GNAL: variants seen among roughly 807,000 people sequenced by gnomAD.
The protein encoded by GNAL is guanine nucleotide-binding protein G(olf) subunit alpha.
In GNAL, 18 loss-of-function variants were observed where a neutral mutation model predicts 55.1. That is an observed-to-expected ratio of 0.33 (90% CI 0.23 to 0.48). The LOEUF (loss-of-function observed/expected upper bound fraction) is 0.48, where lower values mean the gene tolerates loss of function less well. Among genes scored for constraint, GNAL ranks in the 20% least tolerant of loss-of-function variants. The pLI is 0.99. For synonymous variants in GNAL, 253 were observed against 237.0 expected (o/e 1.07, Z -0.62); for missense variants, 412 against 614.1 (o/e 0.67, Z 3.48).
At chr18:11,754,048 T>G in intron 4 of GNAL, 103 bp downstream of exon 4, 2 of 848,132 alleles carry the variant, frequency 2.4e-6, no homozygotes. Context: ...ATTATTAACT[T>G]TCTTCGAAAT....
At chr18:11,865,328 C>A (rs1215178822) in intron 7 of GNAL, among the ~76,000 whole-genome samples, 1 of 149,724 alleles carries the variant, frequency 6.7e-6, no homozygotes, top group East Asian at 1.9e-4. Flanking sequence ...TGCCACCTGC[C>A]TCACCAGGCT....
chr18:11,762,372 TATTCAGTAC>T (rs2033271426), intron 4 of GNAL, among the ~76,000 whole-genome samples: 1 of 152,156 alleles, frequency 6.6e-6, no homozygotes, highest in Non-Finnish European at 1.5e-5. Flanking sequence ...CTTCAGTAAT[TATTCAGTAC>T]ACATATTATC....
chr18:11,714,881 C>T (rs1195302337), intron 1 of GNAL, among the ~76,000 whole-genome samples: 3 of 152,150 alleles, frequency 2.0e-5, no homozygotes, highest in Admixed American at 6.5e-5. Context: ...CTGGGTGTGG[C>T]GGTTCACACC....
intron 4 of GNAL, among the ~76,000 whole-genome samples, chr18:11,791,528 AT>A (rs2034236242): frequency 6.6e-6 from 1 of 152,212 alleles, no homozygotes; most frequent in Non-Finnish European, 1.5e-5. Context: ...TTGGTAAAAC[AT>A]TTTAAAAGCT....
intron 1 of GNAL, among the ~76,000 whole-genome samples, chr18:11,710,662 CA>C (rs1441597103): frequency 6.6e-6 from 1 of 151,354 alleles, no homozygotes; most frequent in African/African-American, 2.4e-5. Context: ...ATAGTTTTGC[CA>C]GGTATAGTGT....
At chr18:11,736,183 C>T (rs900194654) in intron 1 of GNAL, among the ~76,000 whole-genome samples, 1 of 152,050 alleles carries the variant, frequency 6.6e-6, no homozygotes, top group Non-Finnish European at 1.5e-5. Flanking sequence ...TTGCTTGAGG[C>T]CAGGAGTTCC....
At chr18:11,741,290 A>G (rs73944251) in intron 1 of GNAL, among the ~76,000 whole-genome samples, 1,739 of 152,358 alleles carry the variant, frequency 0.011, 28 homozygotes, top group African/African-American at 0.04. Context: ...TGTGAAAGCT[A>G]TGGACCAAAT....
chr18:11,860,725 G>A (rs1324206703), intron 5 of GNAL, among the ~76,000 whole-genome samples: 2 of 152,166 alleles, frequency 1.3e-5, no homozygotes, highest in African/African-American at 4.8e-5. Context: ...AAAGACAAGG[G>A]TTATTTTGGT....
intron 4 of GNAL, among the ~76,000 whole-genome samples, chr18:11,796,558 A>G: frequency 7.5e-6 from 1 of 133,752 alleles, no homozygotes; most frequent in East Asian, 2.4e-4. Context: ...TGGGTGACAG[A>G]GCGAGACTCC....
chr18:11,715,023 T>G (rs1243288101), intron 1 of GNAL, among the ~76,000 whole-genome samples: 1 of 151,784 alleles, frequency 6.6e-6, no homozygotes, highest in Non-Finnish European at 1.5e-5. Flanking sequence ...TGCACACCTG[T>G]AGTCCCAACT....
chr18:11,872,621 G>A (rs938907123), intron 10 of GNAL, among the ~76,000 whole-genome samples: 4 of 152,128 alleles, frequency 2.6e-5, no homozygotes, highest in Non-Finnish European at 5.9e-5. Context: ...CATTGAAACC[G>A]TGCAGCAGAA....
At chr18:11,777,162 T>G (rs2143325081) in intron 4 of GNAL, among the ~76,000 whole-genome samples, 1 of 152,330 alleles carries the variant, frequency 6.6e-6, no homozygotes, top group Middle Eastern at 3.4e-3. Flanking sequence ...GATGGTGGGC[T>G]TTGGCCAAGT....
At chr18:11,756,983 C>T (rs190871402) in intron 4 of GNAL, among the ~76,000 whole-genome samples, 1 of 152,102 alleles carries the variant, frequency 6.6e-6, no homozygotes, top group Non-Finnish European at 1.5e-5. Context: ...GGTAAGATAA[C>T]TTTTGAAACA....
At chr18:11,858,317 A>G (rs951296195) in intron 5 of GNAL, among the ~76,000 whole-genome samples, 1 of 152,214 alleles carries the variant, frequency 6.6e-6, no homozygotes, top group Non-Finnish European at 1.5e-5. Flanking sequence ...TCTACAATGC[A>G]AGTGATTTTT....
chr18:11,746,171 A>G, intron 1 of GNAL: 1 of 547,258 alleles, frequency 1.8e-6, no homozygotes, highest in South Asian at 1.4e-5. Flanking sequence ...CAAATGGCAA[A>G]GTTGCATCTG....
chr18:11,769,136 TTATAA>T (rs1401786754), intron 4 of GNAL, among the ~76,000 whole-genome samples: 1 of 94,864 alleles, frequency 1.1e-5, no homozygotes, highest in Non-Finnish European at 1.8e-5. Flanking sequence ...GTAATATATA[TTATAA>T]TATAGATTAT....
At chr18:11,806,988 G>A (rs771253268) in intron 4 of GNAL, among the ~76,000 whole-genome samples, 6 of 151,846 alleles carry the variant, frequency 4.0e-5, no homozygotes, top group Non-Finnish European at 5.9e-5. Flanking sequence ...GTGAAACCCC[G>A]TCTCTACTAA....
At chr18:11,790,559 A>G (rs2034200383) in intron 4 of GNAL, among the ~76,000 whole-genome samples, 1 of 151,786 alleles carries the variant, frequency 6.6e-6, no homozygotes, top group African/African-American at 2.4e-5. Flanking sequence ...CAGTGTTAAC[A>G]TGTTTGATTT....
chr18:11,881,320 A>ATTTTTTAATG lies in GNAL; in HGVS notation c.*185_*186insTTTTTTAATG. The ATTTTTTAATG allele has an allele frequency of 1.3e-5, 7 of 520,084 alleles. No homozygotes were observed. Among genetic ancestry groups the ATTTTTTAATG allele is most frequent in the Admixed American group, 6.6e-5 (2 of 30,160 alleles). 32.2% of individuals were successfully genotyped at this position (520,084 alleles called of 1,614,324 possible). The stretch of plus-strand genomic sequence containing the variant: ...GGTTGTGTAGCTTCTGTTGTCATTG[A>ATTTTTTAATG]ATACGGCCTCCCGCAGCATCCCACC... On this transcript the variant is annotated 3_prime_UTR_variant, in exon 12 of 12. Transcript: ENST00000334049. This position sits in a 1 kb window ranked among gnomAD's most constrained non-coding sequence, Gnocchi z 4.8.
Sources: gnomAD v4.1 joint callset for allele counts (sites outside exome capture counted in the v4.1 genomes callset) on GRCh38, gnomAD v4.1.1 for gene constraint, Gnocchi (gnomAD v3.1) non-coding constraint, MANE v1.5 for transcripts, NCBI Gene and HGNC (gene_info 2026-07-23, HGNC 2026-07-21) for gene names.